Variants in POU6F2 observed in about 807,000 individuals in gnomAD.
POU6F2 encodes the protein POU class 6 homeobox 2, also known as POU domain, class 6, transcription factor 2.
Under a neutral mutation model 71.3 loss-of-function variants are expected in POU6F2, and 31 were observed. The observed-to-expected ratio is 0.43, with a 90% CI of 0.33 to 0.59. The LOEUF (loss-of-function observed/expected upper bound fraction) is 0.59. Ranked by LOEUF, POU6F2 falls within the 20% of genes least tolerant of loss-of-function variation. The pLI is 0.04. For missense variants in POU6F2, 783 were observed against 856.8 expected, an observed-to-expected ratio of 0.91 and a Z score of 1.07; for synonymous variants, 347 against 355.7, an observed-to-expected ratio of 0.98 and a Z score of 0.27.
Position 39,135,818 on chromosome 7 carries a change from G to A in POU6F2, c.277+49787G>A, listed in dbSNP as rs546499084. ...AACCATGAAAATAAGAATAACTATAGAAAAGGGAAGTAAAATTATGGTTCT... is the reference window on the plus strand; with the variant it reads ...AACCATGAAAATAAGAATAACTATAAAAAAGGGAAGTAAAATTATGGTTCT... On this transcript the variant is annotated intron_variant, in intron 2 of 9. Transcript: ENST00000518318. Among the ~76,000 whole-genome samples, 5 of 152,144 alleles carry A rather than the reference G, an allele frequency of 3.3e-5. No homozygotes were observed. The South Asian group carries it at 1.0e-3, about 32-fold the overall frequency.
chr7:39,118,035 T>C (rs1483737651), intron 2 of POU6F2, among the ~76,000 whole-genome samples: 1 of 152,142 alleles, frequency 6.6e-6, no homozygotes, highest in Non-Finnish European at 1.5e-5. Flanking sequence ...CTGCTCACCT[T>C]GTAGAATGCT....
At chr7:39,165,171 T>G (rs1793086723) in intron 2 of POU6F2, among the ~76,000 whole-genome samples, 1 of 152,160 alleles carries the variant, frequency 6.6e-6, no homozygotes, top group Admixed American at 6.5e-5. Context: ...CTAATGCCCT[T>G]GATTAAAAGG....
At chr7:39,191,853 G>C (rs1793676394) in intron 2 of POU6F2, among the ~76,000 whole-genome samples, 1 of 152,180 alleles carries the variant, frequency 6.6e-6, no homozygotes, top group Non-Finnish European at 1.5e-5. Flanking sequence ...GACTAAGTGA[G>C]GGAAAATGGT....
At chr7:39,012,666 T>A (rs1789328399) in intron 1 of POU6F2, among the ~76,000 whole-genome samples, 2 of 152,188 alleles carry the variant, frequency 1.3e-5, no homozygotes, top group Non-Finnish European at 2.9e-5. Context: ...TTATCTACTT[T>A]TGGTCTTTGA....
chr7:39,414,664 C>A (rs553307952), intron 6 of POU6F2, among the ~76,000 whole-genome samples: 48 of 152,304 alleles, frequency 3.2e-4, no homozygotes, highest in African/African-American at 8.4e-4. Flanking sequence ...CTTAAGACTG[C>A]GGGTGCGGCC....
At chr7:39,348,462 C>G (rs546061587) in intron 5 of POU6F2, among the ~76,000 whole-genome samples, 12 of 152,320 alleles carry the variant, frequency 7.9e-5, no homozygotes, top group Admixed American at 7.2e-4. Context: ...TCTTTGGTCT[C>G]TCTTTTTCTC....
intron 4 of POU6F2, among the ~76,000 whole-genome samples, chr7:39,253,662 C>A (rs150656468): frequency 3.3e-5 from 5 of 152,058 alleles, no homozygotes; most frequent in Non-Finnish European, 7.3e-5. Flanking sequence ...AAGACCCCAG[C>A]GTCATGCAAA....
chr7:39,261,088 C>CAT (rs1784131408), intron 4 of POU6F2, among the ~76,000 whole-genome samples: 1 of 151,872 alleles, frequency 6.6e-6, no homozygotes, highest in African/African-American at 2.4e-5. Flanking sequence ...CACACACACA[C>CAT]ACACCCCACG....
intron 4 of POU6F2, among the ~76,000 whole-genome samples, chr7:39,246,973 G>A (rs755243861): frequency 1.4e-5 from 2 of 139,158 alleles, no homozygotes; most frequent in South Asian, 2.3e-4. Flanking sequence ...GTGCAATGGC[G>A]CGATCTCGGC....
At position 39,155,811 on chromosome 7, in the gene POU6F2, T is replaced by C. The variant is rs186324062; in HGVS notation, c.278-48424T>C. Among the ~76,000 whole-genome samples the C allele has an allele frequency of 5.9e-5, 9 of 152,320 alleles. No homozygotes were observed. In the East Asian group the frequency reaches 1.5e-3, roughly 26 times the overall value. On this transcript the variant is annotated intron_variant, in intron 2 of 9. Transcript: ENST00000518318. ...ATTTATTTTTAAAGTTTATCTGTTA[T>C]TTTAGCATGAAAGTTTTATCTATAT...
chr7:39,363,143 A>G (rs116045590), intron 5 of POU6F2, among the ~76,000 whole-genome samples: 5 of 152,296 alleles, frequency 3.3e-5, no homozygotes, highest in African/African-American at 1.2e-4. Flanking sequence ...GACAAAGACA[A>G]TCATGGTTTG....
intron 5 of POU6F2, among the ~76,000 whole-genome samples, chr7:39,365,255 T>A (rs900738577): frequency 3.3e-5 from 5 of 152,170 alleles, no homozygotes; most frequent in Admixed American, 2.6e-4. Context: ...AGCCAAGTGA[T>A]CTTTGATAAA....
chr7:39,406,416 C>G, intron 5 of POU6F2, 184 bp from the exon 6 acceptor site: 1 of 553,752 alleles, frequency 1.8e-6, no homozygotes, highest in Non-Finnish European at 3.0e-6. Context: ...CTTCCAGCCT[C>G]GTTTCCATCA....
At chr7:39,280,543 A>G (rs538853820) in intron 4 of POU6F2, among the ~76,000 whole-genome samples, 2 of 152,216 alleles carry the variant, frequency 1.3e-5, no homozygotes, top group Non-Finnish European at 2.9e-5. Flanking sequence ...TGAAGAGGCA[A>G]TTACAGCTGC....
rs1443330656 is a variant in POU6F2, at chr7:39,454,719, T to G, written c.1489+3018T>G. Among the ~76,000 whole-genome samples, 114 of 81,742 alleles carry G rather than the reference T, an allele frequency of 1.4e-3. 10 individuals are homozygous for G. The highest frequency in any genetic ancestry group is 5.2e-3 in the African/African-American group (112 of 21,502). The allele number at this position is 81,742 out of a possible 152,430, so 53.6% of individuals were successfully genotyped here. On this transcript the variant is annotated intron_variant, in intron 8 of 9. Transcript: ENST00000518318. Reference sequence around the variant, plus strand: ...ATATATATATATATATATATATATATATATATATAAAATAAGATATATATA... The same window carrying G: ...ATATATATATATATATATATATATAGATATATATAAAATAAGATATATATA...
Position 39,072,723 on chromosome 7 carries a change from G to C in POU6F2, c.106-13137G>C, listed in dbSNP as rs566620558. ...CTCGTTTCACTGTGTGAGCTTCAGA[G>C]TGTGAGATGGTGGGTTGTCAGTTGC... is the stretch of plus-strand genomic sequence containing the variant. On this transcript the variant is annotated intron_variant, in intron 1 of 9. Transcript: ENST00000518318. Among the ~76,000 whole-genome samples, 3 of 152,300 alleles carry C rather than the reference G, an allele frequency of 2.0e-5. No homozygotes were observed. In the South Asian group the frequency reaches 6.2e-4, roughly 32 times the overall value.
chr7:39,311,699 A>C lies in POU6F2; in HGVS notation c.599-27943A>C, dbSNP rs186745259. ...TAAACATAGAGAGAGAGCAGTGGCT[A>C]TAGCTGTAGATAAAGCCACAGGCGA... On this transcript the variant is annotated intron_variant, in intron 4 of 9. Transcript: ENST00000518318. Among the ~76,000 whole-genome samples the C allele has an allele frequency of 3.9e-3, 597 of 152,266 alleles. 2 individuals carry two copies. The highest frequency in any genetic ancestry group is 0.013 in the African/African-American group (541 of 41,550).
At chr7:39,301,259 T>A (rs1431497231) in intron 4 of POU6F2, among the ~76,000 whole-genome samples, 1 of 152,220 alleles carries the variant, frequency 6.6e-6, no homozygotes, top group Non-Finnish European at 1.5e-5. Flanking sequence ...ATCTTCCCAG[T>A]GCCCTTGCAA....
chr7:39,436,097 G>A (rs1788235567), intron 7 of POU6F2, among the ~76,000 whole-genome samples: 1 of 152,098 alleles, frequency 6.6e-6, no homozygotes, highest in Admixed American at 6.5e-5. Flanking sequence ...GATTGTCTTG[G>A]CTATATGGGG....
Sources: allele counts gnomAD v4.1 joint callset (sites outside exome capture counted in the v4.1 genomes callset), GRCh38; gene constraint gnomAD v4.1.1; transcripts MANE v1.5; gene names NCBI Gene and HGNC (gene_info 2026-07-23, HGNC 2026-07-21).